Variants in ITPR2 observed in about 807,000 individuals in gnomAD.
The protein encoded by ITPR2 is inositol 1,4,5-trisphosphate receptor type 2, also known as inositol 1,4,5-trisphosphate-gated calcium channel ITPR2.
ITPR2 carries 207 observed loss-of-function variants against 317.1 expected under a neutral mutation model. The ratio of observed to expected loss-of-function variants is 0.65; its 90% CI spans 0.58 to 0.73. The LOEUF is 0.73. Ranked by LOEUF, ITPR2 falls within the 30% of genes least tolerant of loss-of-function variation. ITPR2 has a pLI of 0.00. For synonymous variants in ITPR2, 1,156 were observed against 1,149.1 expected, an observed-to-expected ratio of 1.01 and a Z score of -0.12; for missense variants, 2,613 against 3,284.0, an observed-to-expected ratio of 0.80 and a Z score of 4.99.
At chr12:26,741,686 T>C (rs893365895) in intron 2 of ITPR2, among the ~76,000 whole-genome samples, 5 of 151,664 alleles carry the variant, frequency 3.3e-5, no homozygotes, top group African/African-American at 9.7e-5. Flanking sequence ...TGTCTGTGTG[T>C]GCGTGTGTGT....
chr12:26,728,973 A>C (rs891615275), intron 2 of ITPR2, among the ~76,000 whole-genome samples: 5 of 151,988 alleles, frequency 3.3e-5, no homozygotes, highest in Non-Finnish European at 5.9e-5. Context: ...GTTTGCAAAA[A>C]TTTTCTCCCA....
intron 13 of ITPR2, among the ~76,000 whole-genome samples, chr12:26,669,699 G>A (rs1348830101): frequency 4.6e-5 from 7 of 152,184 alleles, no homozygotes. Flanking sequence ...AGTGGGCGCA[G>A]GTCAGTGGGT....
At chr12:26,432,931 A>T (rs1361409592) in intron 48 of ITPR2, among the ~76,000 whole-genome samples, 1 of 152,184 alleles carries the variant, frequency 6.6e-6, no homozygotes, top group East Asian at 1.9e-4. Flanking sequence ...TGGCCCTAGC[A>T]TACAGTCGTT....
At position 26,571,378 on chromosome 12, in the gene ITPR2, A is replaced by G. The variant is rs146669125; in HGVS notation, c.4630+7335T>C. 3.1e-3 allele frequency among the ~76,000 whole-genome samples: 466 copies of G among 152,350 alleles called. 1 individual carries two copies. The highest frequency in any genetic ancestry group is 5.4e-3 in the Non-Finnish European group (369 of 68,026). ...GCAAACTTCTGGAGCAATCAAGGGA[A>G]AGGAGGAAAAGCAATAGATGATAGG... On this transcript the variant is annotated intron_variant, in intron 34 of 56. Transcript: ENST00000381340.
rs1415524940 is a variant in ITPR2 at position 26,578,729 on chromosome 12, T to C, written c.4614A>G (p.Arg1538=). ...AQKASVESCI[R]TLAEVAKNRG... is the part of the protein sequence containing the mutation. Reference sequence around the variant, plus strand: ...ATGACTTACCCACTTCAGCCAAAGTTCTGATACAGGATTCCACTGAGGCTT... The same window carrying C: ...ATGACTTACCCACTTCAGCCAAAGTCCTGATACAGGATTCCACTGAGGCTT... Residue 1538 remains arginine (R), a synonymous_variant, in exon 34 of 57, where the codon AGA becomes AGG. Transcript: ENST00000381340. The C allele has an allele frequency of 6.2e-7, 1 of 1,603,710 alleles. No homozygotes were observed. Among genetic ancestry groups the C allele is most frequent in the Non-Finnish European group, 8.5e-7 (1 of 1,172,748 alleles).
At chr12:26,556,187 T>C (rs761805761) in intron 36 of ITPR2, 46 bp downstream of exon 36, 9 of 1,597,148 alleles carry the variant, frequency 5.6e-6, no homozygotes, top group Middle Eastern at 1.7e-4. Flanking sequence ...TTAGAGGCCA[T>C]GTCAGTTTGA....
intron 55 of ITPR2, among the ~76,000 whole-genome samples, chr12:26,375,282 A>G (rs1939302769): frequency 6.6e-6 from 1 of 152,228 alleles, no homozygotes; most frequent in Non-Finnish European, 1.5e-5. Flanking sequence ...AGGTTATGAG[A>G]ATCAGAGAAG....
intron 55 of ITPR2, among the ~76,000 whole-genome samples, chr12:26,358,550 T>A (rs1200374350): frequency 6.6e-6 from 1 of 152,186 alleles, no homozygotes; most frequent in South Asian, 2.1e-4. Context: ...CAATTTGAAA[T>A]CCATCATCCC....
chr12:26,393,574 T>C (rs531625621), intron 54 of ITPR2, among the ~76,000 whole-genome samples: 36 of 152,340 alleles, frequency 2.4e-4, no homozygotes, highest in African/African-American at 7.5e-4. Context: ...AAAAAGTTTC[T>C]ATTTTATTTT....
intron 37 of ITPR2, among the ~76,000 whole-genome samples, chr12:26,545,728 T>C (rs778244462): frequency 1.3e-5 from 2 of 152,204 alleles, no homozygotes; most frequent in African/African-American, 2.4e-5. Flanking sequence ...ATAGTATCTT[T>C]TGCTACTTTT....
intron 11 of ITPR2, among the ~76,000 whole-genome samples, chr12:26,684,390 A>C (rs1482115130): frequency 6.6e-6 from 1 of 152,220 alleles, no homozygotes; most frequent in African/African-American, 2.4e-5. Flanking sequence ...GTGAGGTGTC[A>C]ACAATACCCA....
intron 2 of ITPR2, among the ~76,000 whole-genome samples, chr12:26,787,561 G>T (rs1173036600): frequency 2.0e-5 from 3 of 152,170 alleles, no homozygotes; most frequent in Non-Finnish European, 4.4e-5. Context: ...TTACTTCACT[G>T]TGGATTGAAA....
intron 19 of ITPR2, 131 bp downstream of exon 19, chr12:26,656,166 A>G: frequency 1.9e-5 from 22 of 1,173,382 alleles, no homozygotes; most frequent in Non-Finnish European, 2.4e-5. Flanking sequence ...TCTTATTTGC[A>G]TTTAGAAGAT....
chr12:26,632,733 C>T (rs1227873190), intron 21 of ITPR2, among the ~76,000 whole-genome samples: 1 of 152,188 alleles, frequency 6.6e-6, no homozygotes, highest in East Asian at 1.9e-4. Flanking sequence ...AAGCTAGTGA[C>T]AAACATGATC....
intron 1 of ITPR2, among the ~76,000 whole-genome samples, chr12:26,793,947 C>T (rs12306764): frequency 0.023 from 3,542 of 152,264 alleles, 139 homozygotes; most frequent in African/African-American, 0.08. Flanking sequence ...TAATGGGCTA[C>T]ATTTATTTTT....
chr12:26,623,148 C>T (rs961833042), intron 24 of ITPR2, among the ~76,000 whole-genome samples: 6 of 152,178 alleles, frequency 3.9e-5, no homozygotes, highest in Admixed American at 1.3e-4. Context: ...ACTACCCTAC[C>T]CAACTCTATC....
intron 24 of ITPR2, among the ~76,000 whole-genome samples, chr12:26,623,690 T>C (rs1008487811): frequency 6.6e-6 from 1 of 152,150 alleles, no homozygotes; most frequent in Non-Finnish European, 1.5e-5. Context: ...GTCTGTAATA[T>C]AAATGAGCAC....
intron 45 of ITPR2, among the ~76,000 whole-genome samples, chr12:26,444,957 CA>C (rs1194187209): frequency 6.6e-6 from 1 of 152,244 alleles, no homozygotes; most frequent in Admixed American, 6.5e-5. Flanking sequence ...TTGAATTATA[CA>C]CATTTTTATT....
In ITPR2 at chr12:26,675,202, T is replaced by C. The variant is rs538690091; in HGVS notation, c.1409+6672A>G. Among the ~76,000 whole-genome samples, 270 of 152,258 alleles carry C rather than the reference T, an allele frequency of 1.8e-3. 3 individuals carry two copies. The highest frequency in any genetic ancestry group is 6.1e-3 in the African/African-American group (255 of 41,556). On this transcript the variant is annotated intron_variant, in intron 13 of 56. Transcript: ENST00000381340. ...CCCAGCCATCCCATTACTGGGTATA[T>C]ACCCAAAGGACTATAAATCATGCTG...
Sources: allele counts gnomAD v4.1 joint callset (sites outside exome capture counted in the v4.1 genomes callset), GRCh38; gene constraint gnomAD v4.1.1; transcripts MANE v1.5; gene names NCBI Gene and HGNC (gene_info 2026-07-23, HGNC 2026-07-21).